The following NTRK2 variants were observed in gnomAD, a reference collection of about 807,000 sequenced individuals.
The protein encoded by NTRK2 is BDNF/NT-3 growth factors receptor.
In NTRK2, 13 loss-of-function variants were observed where a neutral mutation model predicts 94.5. The ratio of observed to expected loss-of-function variants is 0.14; its 90% CI spans 0.09 to 0.22. NTRK2 has a LOEUF of 0.22. Among genes scored for constraint, NTRK2 ranks in the 10% least tolerant of loss-of-function variants. The pLI, the probability that NTRK2 is intolerant of heterozygous loss-of-function variation, is 1.00. For missense variants in NTRK2, 639 were observed against 1,071.2 expected, an observed-to-expected ratio of 0.60 and a Z score of 5.63; for synonymous variants, 372 against 407.4, an observed-to-expected ratio of 0.91 and a Z score of 1.05.
intron 17 of NTRK2, among the ~76,000 whole-genome samples, chr9:84,974,837 A>C (rs1826615777): frequency 6.6e-6 from 1 of 152,152 alleles, no homozygotes; most frequent in South Asian, 2.1e-4. Flanking sequence ...AGCAGCCTCA[A>C]GGAAGTCGCC....
intron 17 of NTRK2, among the ~76,000 whole-genome samples, chr9:85,000,334 A>G (rs994784459): frequency 6.6e-6 from 1 of 152,156 alleles, no homozygotes; most frequent in African/African-American, 2.4e-5. Context: ...ACATGTATCC[A>G]GCATTGTAGT....
chr9:84,768,840 CA>C (rs2066267123), intron 12 of NTRK2, among the ~76,000 whole-genome samples: 1 of 152,060 alleles, frequency 6.6e-6, no homozygotes, highest in South Asian at 2.1e-4. Flanking sequence ...GAGGAAACAT[CA>C]GGGGTAAGGG....
chr9:84,739,379 C>T (rs970138540), intron 9 of NTRK2, among the ~76,000 whole-genome samples: 8 of 152,154 alleles, frequency 5.3e-5, no homozygotes, highest in East Asian at 3.9e-4. Flanking sequence ...TATGGGCTAA[C>T]GTCTTTATTT....
chr9:84,907,249 T>C (rs1190594434), intron 14 of NTRK2, among the ~76,000 whole-genome samples: 1 of 152,182 alleles, frequency 6.6e-6, no homozygotes, highest in African/African-American at 2.4e-5. Flanking sequence ...GATCATGATA[T>C]ATGAAAGGCA....
chr9:84,971,655 T>G (rs1436260987), intron 17 of NTRK2, among the ~76,000 whole-genome samples: 1 of 152,196 alleles, frequency 6.6e-6, no homozygotes, highest in Non-Finnish European at 1.5e-5. Context: ...GAGGATTTTT[T>G]GTGATCATAA....
At chr9:84,984,274 G>A (rs930617882) in intron 17 of NTRK2, among the ~76,000 whole-genome samples, 3 of 151,896 alleles carry the variant, frequency 2.0e-5, no homozygotes, top group African/African-American at 7.3e-5. Flanking sequence ...GGAGTTCGAG[G>A]GCAGCCTGGC....
At chr9:84,760,391 T>G (rs2132634091) in intron 12 of NTRK2, among the ~76,000 whole-genome samples, 1 of 152,354 alleles carries the variant, frequency 6.6e-6, no homozygotes, top group African/African-American at 2.4e-5. Context: ...GTGATTCTTG[T>G]TGAATTCATA....
intron 12 of NTRK2, among the ~76,000 whole-genome samples, chr9:84,837,058 C>T (rs1428887845): frequency 6.6e-6 from 1 of 151,210 alleles, no homozygotes; most frequent in African/African-American, 2.4e-5. Context: ...ATTCCTGGCA[C>T]AGAGTAGGCA....
Position 84,670,863 on chromosome 9 carries a change from A to C in NTRK2, c.115A>C (p.Ser39Arg), listed in dbSNP as rs147067960. ...CGCCTGTCCCACGTCCTGCAAATGC[A>C]GTGCCTCTCGGATCTGGTGCAGCGA... Reference protein sequence around the residue: ...AFACPTSCKCSASRIWCSDPS... With the variant: ...AFACPTSCKCRASRIWCSDPS... Residue 39 changes from serine to arginine, a missense_variant, in exon 2 of 19, where the codon AGT (serine) becomes CGT (arginine). Around this residue, in one of 5 missense-constraint regions of NTRK2, gnomAD observed 206 missense variants for 251.5 expected, o/e 0.82. Transcript: ENST00000277120. The C allele has an allele frequency of 5.0e-6, 8 of 1,613,936 alleles. No homozygotes were observed. The highest frequency in any genetic ancestry group is 6.8e-6 in the Non-Finnish European group (8 of 1,180,030).
intron 14 of NTRK2, among the ~76,000 whole-genome samples, chr9:84,911,007 G>C (rs955947805): frequency 6.6e-6 from 1 of 152,156 alleles, no homozygotes; most frequent in African/African-American, 2.4e-5. Context: ...TCATTACTGT[G>C]CTGAGTTGTC....
chr9:84,867,495 A>T, intron 14 of NTRK2, 64 bp downstream of exon 14: 2 of 1,384,348 alleles, frequency 1.4e-6, no homozygotes, highest in South Asian at 2.3e-5. Flanking sequence ...CAGAGTGTTT[A>T]TCAGAGCCCC....
At chr9:84,938,159 A>T (rs2078275134) in intron 15 of NTRK2, among the ~76,000 whole-genome samples, 1 of 152,168 alleles carries the variant, frequency 6.6e-6, no homozygotes, top group South Asian at 2.1e-4. Context: ...AAAAATGGTA[A>T]AATTTGACTT....
At chr9:84,900,262 T>G (rs59455758) in intron 14 of NTRK2, among the ~76,000 whole-genome samples, 9,023 of 152,134 alleles carry the variant, frequency 0.059, 891 homozygotes, top group African/African-American at 0.2. Context: ...AGACAACTAT[T>G]CATAGAGTGA....
upstream of NTRK2, chr9:84,669,709 C>T (rs1158512683): frequency 6.5e-6 from 1 of 153,716 alleles, no homozygotes; most frequent in South Asian, 2.1e-4. The surrounding 1 kb of genome is among the most constrained non-coding windows in gnomAD (Gnocchi z 4.1). Flanking sequence ...TGCCCCTGCT[C>T]TGCGTCAGCC....
chr9:84,694,986 G>C (rs951507968), intron 2 of NTRK2, among the ~76,000 whole-genome samples: 1 of 149,836 alleles, frequency 6.7e-6, no homozygotes, highest in African/African-American at 2.5e-5. Flanking sequence ...GACCATCCTG[G>C]GGAGCTTGCA....
chr9:84,930,520 G>A (rs2077986278), intron 14 of NTRK2, among the ~76,000 whole-genome samples: 1 of 152,186 alleles, frequency 6.6e-6, no homozygotes, highest in African/African-American at 2.4e-5. Context: ...AAGCCCTGAA[G>A]TACCAGGGGA....
chr9:84,868,355 T>G (rs1010548578), intron 14 of NTRK2, among the ~76,000 whole-genome samples: 1 of 152,196 alleles, frequency 6.6e-6, no homozygotes, highest in Non-Finnish European at 1.5e-5. Context: ...GCTGCCTCTC[T>G]GTTGAGAGCT....
rs1251795046 is a variant in NTRK2, at chr9:84,716,699, GC to G, written c.583+5909del. On this transcript the variant is annotated intron_variant, in intron 6 of 18. Coordinates refer to ENST00000277120, the MANE Select transcript of NTRK2 (RefSeq NM_006180.6). ...GATCAGGTTTTATCTCCCAAATCAA[GC>G]AAACCACACAGTGGATCGTTGTTTT... is the stretch of plus-strand genomic sequence containing the variant. 2.0e-5 allele frequency among the ~76,000 whole-genome samples: 3 copies of G among 152,182 alleles called. No homozygotes were observed. The East Asian group carries it at 5.8e-4, about 29-fold the overall frequency.
intron 14 of NTRK2, among the ~76,000 whole-genome samples, chr9:84,885,478 A>G (rs1357199796): frequency 6.6e-6 from 1 of 152,340 alleles, no homozygotes; most frequent in East Asian, 1.9e-4. Context: ...TAAACTGAGC[A>G]CATAAAATGA....
Sources: allele counts gnomAD v4.1 joint callset (sites outside exome capture counted in the v4.1 genomes callset), GRCh38; gene constraint gnomAD v4.1.1; regional missense constraint gnomAD v4.1.1; non-coding constraint Gnocchi (gnomAD v3.1); transcripts MANE v1.5; gene names NCBI Gene and HGNC (gene_info 2026-07-23, HGNC 2026-07-21).